EPB41L1: variants seen among roughly 807,000 people sequenced by gnomAD.
The protein encoded by EPB41L1 is erythrocyte membrane protein band 4.1 like 1.
Under a neutral mutation model 97.8 loss-of-function variants are expected in EPB41L1, and 29 were observed. The observed-to-expected ratio is 0.30, with a 90% CI of 0.22 to 0.40. EPB41L1 has a LOEUF of 0.40. EPB41L1 is among the 10% of genes least tolerant of loss of function. EPB41L1 has a pLI of 1.00. For missense variants in EPB41L1, 812 were observed against 1,162.3 expected, an observed-to-expected ratio of 0.70 and a Z score of 4.38; for synonymous variants, 383 against 459.2, an observed-to-expected ratio of 0.83 and a Z score of 2.12.
At chr20:36,171,757 G>A (rs1332711633) in intron 1 of EPB41L1, among the ~76,000 whole-genome samples, 1 of 152,200 alleles carries the variant, frequency 6.6e-6, no homozygotes, top group Non-Finnish European at 1.5e-5. Flanking sequence ...CCTGGAGCAC[G>A]TGGCTAGCCC....
At position 36,209,792 on chromosome 20, in the gene EPB41L1, C is replaced by T. The variant is rs1324637170; in HGVS notation, c.1973C>T (p.Ser658Phe). The change falls in exon 15 of 22, where the codon TCC (serine) becomes TTC (phenylalanine). Residue 658 changes from serine to phenylalanine, a missense_variant. Transcript: ENST00000338074. The surrounding 1 kb of genome is among the most constrained non-coding windows in gnomAD (Gnocchi z 4.2). The stretch of plus-strand genomic sequence containing the variant: ...TCGGACACTGAGGGCCTGCTGTTCT[C>T]CCGGGATCTCAACAAGGGGGCCCCC... ...SDSDTEGLLF[S>F]RDLNKGAPSQ... The T allele has an allele frequency of 1.9e-6, 3 of 1,613,974 alleles. No individual in the cohort carries two copies. Among genetic ancestry groups the T allele is most frequent in the Non-Finnish European group, 2.5e-6 (3 of 1,179,996 alleles).
At chr20:36,198,170 G>A in intron 14 of EPB41L1, 129 bp downstream of exon 14, 1 of 864,210 alleles carries the variant, frequency 1.2e-6, no homozygotes, top group South Asian at 1.6e-5. Context: ...TGGTGGGGAT[G>A]GAGAGGGTGG....
intron 17 of EPB41L1, among the ~76,000 whole-genome samples, chr20:36,215,305 CA>C (rs1166659048): frequency 6.6e-6 from 1 of 152,114 alleles, no homozygotes; most frequent in East Asian, 1.9e-4. Flanking sequence ...CCAGGAGCCC[CA>C]CTTTCAACCC....
chr20:36,198,139 C>T, intron 14 of EPB41L1, 98 bp downstream of exon 14: 2 of 1,107,360 alleles, frequency 1.8e-6, no homozygotes, highest in Non-Finnish European at 2.7e-6. Context: ...CAATATGCTT[C>T]CCCCATTGCT....
At chr20:36,105,106 G>T (rs570880034) in intron 1 of EPB41L1, among the ~76,000 whole-genome samples, 1 of 152,340 alleles carries the variant, frequency 6.6e-6, no homozygotes, top group East Asian at 1.9e-4. Context: ...ATATTGGGAT[G>T]TGGGGGAAAT....
intron 1 of EPB41L1, among the ~76,000 whole-genome samples, chr20:36,097,289 C>T (rs767402727): frequency 7.9e-5 from 12 of 152,150 alleles, no homozygotes. Context: ...TACAGTCATT[C>T]GGGGCTTGCC....
intron 3 of EPB41L1, among the ~76,000 whole-genome samples, chr20:36,177,505 C>A (rs1007779936): frequency 6.6e-6 from 1 of 152,142 alleles, no homozygotes; most frequent in Non-Finnish European, 1.5e-5. Context: ...ACACTGTGAC[C>A]CTGAGCCCCA....
In EPB41L1 at chr20:36,232,682, C is replaced by T. The variant is rs1337669750; in HGVS notation, c.*3342C>T. 1 of 399,068 alleles carries T rather than the reference C, an allele frequency of 2.5e-6. No individual in the cohort carries two copies. The highest frequency in any genetic ancestry group is 4.4e-5 in the Admixed American group (1 of 22,704). 24.7% of individuals were successfully genotyped at this position (399,068 alleles called of 1,614,324 possible). On this transcript the variant is annotated 3_prime_UTR_variant, in exon 22 of 22. Coordinates refer to ENST00000338074, the MANE Select transcript of EPB41L1 (RefSeq NM_012156.2). ...TGTCCTGTTCCTTTTTACTCACACC[C>T]TTCTCTCCTTTCTCGTCCCCATGCT...
At chr20:36,131,402 A>G (rs2059204939) in intron 2 of EPB41L1, among the ~76,000 whole-genome samples, 1 of 151,924 alleles carries the variant, frequency 6.6e-6, no homozygotes, top group Non-Finnish European at 1.5e-5. Flanking sequence ...GAGCCACCAC[A>G]CCCAGCCTGT....
At position 36,212,204 on chromosome 20, in the gene EPB41L1, C is replaced by G. The variant is rs1346404526; in HGVS notation, c.2080-68C>G. The G allele has an allele frequency of 1.4e-6, 2 of 1,463,998 alleles. No homozygotes were observed. The highest frequency in any genetic ancestry group is 1.9e-6 in the Non-Finnish European group (2 of 1,044,566). 90.7% of individuals were successfully genotyped at this position (1,463,998 alleles called of 1,614,324 possible). ...GAGATAGCCTGCAGACACCACACTGCAATTGTCTGTGAGCAAGGGTCATGC... is the reference window on the plus strand; with the variant it reads ...GAGATAGCCTGCAGACACCACACTGGAATTGTCTGTGAGCAAGGGTCATGC... On this transcript the variant is annotated intron_variant, in intron 15 of 21. Transcript: ENST00000338074. This position sits in a 1 kb window ranked among gnomAD's most constrained non-coding sequence, Gnocchi z 4.8.
chr20:36,197,777 G>T, intron 13 of EPB41L1, 82 bp from the exon 14 acceptor site: 1 of 1,612,040 alleles, frequency 6.2e-7, no homozygotes, highest in South Asian at 1.1e-5. Flanking sequence ...TGGTGATGGT[G>T]ACTGCTGCCA....
At position 36,216,020 on chromosome 20, in the gene EPB41L1, C is replaced by T. The variant is rs187684404; in HGVS notation, c.2268+1580C>T. 5.4e-3 allele frequency among the ~76,000 whole-genome samples: 819 copies of T among 152,254 alleles called. 4 individuals carry two copies. The highest frequency in any genetic ancestry group is 0.017 in the Middle Eastern group (5 of 294). The stretch of plus-strand genomic sequence containing the variant: ...GCAGTAATAGCATGACCTCAAAGGG[C>T]TGATGTGAGGGGGAACGAAAGCAAT... On this transcript the variant is annotated intron_variant, in intron 17 of 21. Transcript: ENST00000338074.
chr20:36,153,148 G>A (rs184840809), upstream of EPB41L1: 571 of 455,328 alleles, frequency 1.3e-3, 7 homozygotes, highest in African/African-American at 0.01. Flanking sequence ...ACAAAGGGAC[G>A]CAATTGTATC....
intron 14 of EPB41L1, among the ~76,000 whole-genome samples, chr20:36,202,752 A>G (rs962197155): frequency 1.3e-5 from 2 of 150,004 alleles, no homozygotes; most frequent in South Asian, 2.1e-4. Context: ...GGCGGCTGTC[A>G]GTGAGGCAAG....
chr20:36,193,718 A>G (rs2062062456), intron 11 of EPB41L1, among the ~76,000 whole-genome samples: 1 of 152,218 alleles, frequency 6.6e-6, no homozygotes, highest in Admixed American at 6.5e-5. Flanking sequence ...GTCTCACAAT[A>G]TTTGTGTGTT....
chr20:36,219,866 C>T (rs1391133005), intron 19 of EPB41L1, 22 bp downstream of exon 19: 1 of 1,607,696 alleles, frequency 6.2e-7, no homozygotes, highest in Non-Finnish European at 8.5e-7. Context: ...CAGGGCGCCC[C>T]ATGCCCCCAG....
chr20:36,184,963 GAC>G (rs2061622420), intron 6 of EPB41L1, among the ~76,000 whole-genome samples, 152 bp from the exon 7 acceptor site: 1 of 152,230 alleles, frequency 6.6e-6, no homozygotes. Flanking sequence ...CATCTCATGA[GAC>G]ATACCCAGAT....
chr20:36,123,753 T>G (rs1267095602), intron 2 of EPB41L1, among the ~76,000 whole-genome samples: 3 of 152,144 alleles, frequency 2.0e-5, no homozygotes, highest in African/African-American at 7.2e-5. Flanking sequence ...GTTCTGACAA[T>G]GTATAGGTCA....
At chr20:36,228,744 A>T (rs1444581853) in intron 21 of EPB41L1, among the ~76,000 whole-genome samples, 1 of 152,154 alleles carries the variant, frequency 6.6e-6, no homozygotes, top group African/African-American at 2.4e-5. Flanking sequence ...CTTTATTTAA[A>T]CACTGCTGTC....
Sources: allele counts gnomAD v4.1 joint callset (sites outside exome capture counted in the v4.1 genomes callset), GRCh38; gene constraint gnomAD v4.1.1; non-coding constraint Gnocchi (gnomAD v3.1); transcripts MANE v1.5; gene names NCBI Gene and HGNC (gene_info 2026-07-23, HGNC 2026-07-21).